The following KCNH1 variants were observed in gnomAD, a reference collection of about 807,000 sequenced individuals.
KCNH1 encodes the protein voltage-gated delayed rectifier potassium channel KCNH1.
A neutral mutation model predicts 69.2 loss-of-function variants in KCNH1; 27 were observed. That is an observed-to-expected ratio of 0.39 (90% CI 0.29 to 0.54). The LOEUF is 0.54. Among genes scored for constraint, KCNH1 ranks in the 20% least tolerant of loss-of-function variants. The pLI is 0.68. For missense variants in KCNH1, 798 were observed against 1,261.6 expected, an observed-to-expected ratio of 0.63 and a Z score of 5.57; for synonymous variants, 456 against 487.7, an observed-to-expected ratio of 0.93 and a Z score of 0.86.
At chr1:210,905,140 A>G (rs906351040) in intron 7 of KCNH1, among the ~76,000 whole-genome samples, 28 of 152,328 alleles carry the variant, frequency 1.8e-4, no homozygotes, top group African/African-American at 6.7e-4. Context: ...TCTTCGATAC[A>G]CACAAAGTTG....
At chr1:210,834,359 A>AG (rs1341356275) in intron 7 of KCNH1, among the ~76,000 whole-genome samples, 1 of 138,090 alleles carries the variant, frequency 7.2e-6, no homozygotes, top group African/African-American at 2.7e-5. Flanking sequence ...GCAGCCATAA[A>AG]AAGGATGAGT....
chr1:210,737,716 C>T (rs149974293), intron 10 of KCNH1, among the ~76,000 whole-genome samples: 197 of 152,330 alleles, frequency 1.3e-3, no homozygotes, highest in Middle Eastern at 0.01. Context: ...TCCAGTTCAT[C>T]AGGCCAAAGG....
At chr1:210,839,756 G>A (rs912801617) in intron 7 of KCNH1, among the ~76,000 whole-genome samples, 2 of 152,098 alleles carry the variant, frequency 1.3e-5, no homozygotes, top group Non-Finnish European at 2.9e-5. Flanking sequence ...TACTCTACTC[G>A]ATTTCATTTA....
intron 5 of KCNH1, among the ~76,000 whole-genome samples, chr1:211,022,431 T>C (rs527374240): frequency 6.6e-6 from 1 of 152,198 alleles, no homozygotes; most frequent in Non-Finnish European, 1.5e-5. Context: ...ATTTTTAAGG[T>C]AAACCTCAAA....
chr1:211,048,193 C>T (rs559990977), intron 5 of KCNH1, among the ~76,000 whole-genome samples: 1 of 152,194 alleles, frequency 6.6e-6, no homozygotes, highest in East Asian at 1.9e-4. Flanking sequence ...TAGATGTTGG[C>T]ATGGATGTGG....
At chr1:210,813,533 T>A (rs1684752241) in intron 7 of KCNH1, among the ~76,000 whole-genome samples, 1 of 152,226 alleles carries the variant, frequency 6.6e-6, no homozygotes, top group South Asian at 2.1e-4. Flanking sequence ...CCAGCCCATG[T>A]AAGAGCAACA....
chr1:210,828,725 A>G (rs1265949049), intron 7 of KCNH1, among the ~76,000 whole-genome samples: 2 of 152,196 alleles, frequency 1.3e-5, no homozygotes, highest in African/African-American at 4.8e-5. Context: ...TGTCCTTTCT[A>G]AAAATGTGTT....
At chr1:210,964,791 A>C (rs1161955831) in intron 6 of KCNH1, among the ~76,000 whole-genome samples, 1 of 152,190 alleles carries the variant, frequency 6.6e-6, no homozygotes, top group South Asian at 2.1e-4. Context: ...TGGCAGAGAC[A>C]CAACAAAAAA....
chr1:210,843,763 G>A (rs1685476729), intron 7 of KCNH1, among the ~76,000 whole-genome samples: 1 of 152,136 alleles, frequency 6.6e-6, no homozygotes, highest in Admixed American at 6.6e-5. Context: ...ATAACATTTT[G>A]TTGTAGAAAC....
chr1:210,902,595 T>C (rs1453181102), intron 7 of KCNH1, among the ~76,000 whole-genome samples: 1 of 152,220 alleles, frequency 6.6e-6, no homozygotes, highest in Non-Finnish European at 1.5e-5. Context: ...ACCCGCCATA[T>C]GGCTGAAAGT....
At chr1:210,955,878 A>G (rs931676412) in intron 6 of KCNH1, among the ~76,000 whole-genome samples, 1 of 152,072 alleles carries the variant, frequency 6.6e-6, no homozygotes, top group Admixed American at 6.6e-5. Context: ...TCTTTTCCTA[A>G]TTGAATACCC....
chr1:210,897,415 G>A (rs1284226868), intron 7 of KCNH1, among the ~76,000 whole-genome samples: 1 of 152,102 alleles, frequency 6.6e-6, no homozygotes, highest in Non-Finnish European at 1.5e-5. Context: ...ACAAACCAAC[G>A]GGAGCTTACA....
intron 7 of KCNH1, among the ~76,000 whole-genome samples, chr1:210,869,484 C>CGTGTGTGTGTGT (rs61235458): frequency 1.5e-5 from 2 of 137,018 alleles, no homozygotes; most frequent in South Asian, 2.6e-4. Context: ...AGTTATAAGT[C>CGTGTGTGTGTGT]GTGTGTGTGT....
At position 211,090,785 on chromosome 1, in the gene KCNH1, A is replaced by G. The variant is rs1430421449; in HGVS notation, c.311-95T>C. The G allele has an allele frequency of 2.3e-5, 26 of 1,154,132 alleles. No individual in the cohort carries two copies. In the South Asian group the frequency reaches 3.8e-4, roughly 17 times the overall value. The allele number at this position is 1,154,132 out of a possible 1,614,324, so 71.5% of individuals were successfully genotyped here. The stretch of plus-strand genomic sequence containing the variant: ...TGGGAATGAATAGGTACAAATATTA[A>G]TTCATTTTTTAAATGGTCTTATTAA... On this transcript the variant is annotated intron_variant, in intron 3 of 10. Coordinates refer to ENST00000271751, the MANE Select transcript of KCNH1 (RefSeq NM_172362.3).
At chr1:211,128,707 G>A (rs1267816307) in intron 1 of KCNH1, among the ~76,000 whole-genome samples, 2 of 152,150 alleles carry the variant, frequency 1.3e-5, no homozygotes, top group Non-Finnish European at 2.9e-5. Context: ...CAATTAAAAA[G>A]GTTAAAAGGG....
chr1:210,985,946 G>A (rs1688824124), intron 6 of KCNH1, among the ~76,000 whole-genome samples: 2 of 152,178 alleles, frequency 1.3e-5, no homozygotes, highest in African/African-American at 4.8e-5. Flanking sequence ...CTAAGGACTT[G>A]CTTTATGAAT....
At chr1:210,738,501 G>T (rs1682934791) in intron 10 of KCNH1, among the ~76,000 whole-genome samples, 1 of 148,928 alleles carries the variant, frequency 6.7e-6, no homozygotes, top group African/African-American at 2.5e-5. Flanking sequence ...ATCCATCCCA[G>T]CAGTAATGCC....
intron 7 of KCNH1, among the ~76,000 whole-genome samples, chr1:210,807,455 A>C (rs1684607342): frequency 6.6e-6 from 1 of 151,950 alleles, no homozygotes; most frequent in South Asian, 2.1e-4. Flanking sequence ...AAAAACAAAC[A>C]AAAAAATTTA....
chr1:211,008,316 T>A (rs1689323156), intron 6 of KCNH1, among the ~76,000 whole-genome samples: 2 of 152,210 alleles, frequency 1.3e-5, no homozygotes, highest in South Asian at 4.1e-4. Context: ...TATGGTAGAA[T>A]TCCAATTATG....
Sources: allele counts gnomAD v4.1 joint callset (sites outside exome capture counted in the v4.1 genomes callset), GRCh38; gene constraint gnomAD v4.1.1; transcripts MANE v1.5; gene names NCBI Gene and HGNC (gene_info 2026-07-23, HGNC 2026-07-21).